The following INSL6 variants were observed in gnomAD, a reference collection of about 807,000 sequenced individuals.
INSL6 encodes the protein insulin-like peptide INSL6.
Under a neutral mutation model 9.4 loss-of-function variants are expected in INSL6, and 16 were observed. The observed-to-expected ratio is 1.70, with a 90% CI of 1.15 to 2.59. The LOEUF (loss-of-function observed/expected upper bound fraction) is 2.59, where lower values mean the gene tolerates loss of function less well. INSL6 is among the 30% of genes most tolerant of loss of function. The pLI, the probability that INSL6 is intolerant of heterozygous loss-of-function variation, is 0.00. For missense variants in INSL6, 391 were observed against 257.3 expected (o/e 1.52, Z -3.56); for synonymous variants, 154 against 96.9 (o/e 1.59, Z -3.46).
At chr9:5,098,259 G>A in the INSL6 span, 4 of 152,130 alleles carry the variant, frequency 2.6e-5, no homozygotes, top group Admixed American at 2.6e-4. Context: ...AAAAACCTCT[G>A]TGACTTTCTC....
At chr9:5,064,616 G>A in the INSL6 span, among the ~76,000 whole-genome samples, 1 of 152,144 alleles carries the variant, frequency 6.6e-6, no homozygotes, top group Non-Finnish European at 1.5e-5. Context: ...GAGATAACTG[G>A]TATATTAGTC....
At chr9:5,089,467 G>A in the INSL6 span, among the ~76,000 whole-genome samples, 2 of 150,392 alleles carry the variant, frequency 1.3e-5, no homozygotes, top group African/African-American at 4.9e-5. Context: ...GAACCCAGGG[G>A]GCGGAGCTTG....
chr9:5,080,578 T>C, the INSL6 span: 1 of 1,602,402 alleles, frequency 6.2e-7, no homozygotes, highest in Non-Finnish European at 8.5e-7. Context: ...TGCACCAAAG[T>C]GGGCAGAATT....
At chr9:5,134,624 G>A (rs985080773) in intron 2 of INSL6, among the ~76,000 whole-genome samples, 2 of 152,084 alleles carry the variant, frequency 1.3e-5, no homozygotes, top group African/African-American at 4.8e-5. Flanking sequence ...AATCCCTCAC[G>A]AAGAAGCAAA....
chr9:5,010,362 C>T, the INSL6 span, among the ~76,000 whole-genome samples: 6 of 140,490 alleles, frequency 4.3e-5, no homozygotes, highest in Non-Finnish European at 9.2e-5. Flanking sequence ...CTCGCTCTGT[C>T]GCCCAGGCTG....
At chr9:5,144,746 T>A (rs1239381958) in intron 2 of INSL6, among the ~76,000 whole-genome samples, 1 of 152,228 alleles carries the variant, frequency 6.6e-6, no homozygotes, top group South Asian at 2.1e-4. Context: ...TCTTTTTAAA[T>A]CTTTGTTGGT....
At chr9:5,069,715 G>T in the INSL6 span, among the ~76,000 whole-genome samples, 2 of 152,046 alleles carry the variant, frequency 1.3e-5, no homozygotes, top group Admixed American at 6.5e-5. Flanking sequence ...TTAAGGAAGT[G>T]ATTATAATTT....
At chr9:5,156,117 T>C (rs1290900493) in intron 2 of INSL6, among the ~76,000 whole-genome samples, 5 of 148,454 alleles carry the variant, frequency 3.4e-5, no homozygotes, top group Admixed American at 6.8e-5. Flanking sequence ...AGAACTTTCA[T>C]GCAATTGACA....
chr9:5,106,217 C>T, the INSL6 span, among the ~76,000 whole-genome samples: 1 of 152,058 alleles, frequency 6.6e-6, no homozygotes, highest in Non-Finnish European at 1.5e-5. Flanking sequence ...AAAAAACAAC[C>T]CCATCAAAAA....
the INSL6 span, among the ~76,000 whole-genome samples, chr9:5,021,619 C>CT: frequency 0.014 from 2,125 of 152,126 alleles, 64 homozygotes; most frequent in African/African-American, 0.049. Context: ...CCATTTGTAA[C>CT]TTTATTTATT....
At chr9:5,135,170 C>A (rs1014949393) in intron 2 of INSL6, among the ~76,000 whole-genome samples, 7 of 152,070 alleles carry the variant, frequency 4.6e-5, no homozygotes, top group Non-Finnish European at 1.0e-4. Flanking sequence ...TACAGGAGCA[C>A]CCAGATCCAT....
At chr9:5,026,970 T>C in the INSL6 span, among the ~76,000 whole-genome samples, 1 of 152,236 alleles carries the variant, frequency 6.6e-6, no homozygotes, top group Non-Finnish European at 1.5e-5. Flanking sequence ...CTTGACACAT[T>C]GTTCTTTTAA....
chr9:5,042,216 C>A, the INSL6 span, among the ~76,000 whole-genome samples: 3 of 150,010 alleles, frequency 2.0e-5, no homozygotes, highest in Non-Finnish European at 4.4e-5. Flanking sequence ...CGGCTCACTG[C>A]AAGCTCCGCC....
chr9:5,119,392 C>T (rs571333092), downstream of INSL6, among the ~76,000 whole-genome samples: 80 of 151,668 alleles, frequency 5.3e-4, no homozygotes, highest in African/African-American at 1.7e-3. Context: ...TATGCACTTT[C>T]ATGTATAATT....
chr9:5,010,482 G>A, the INSL6 span, among the ~76,000 whole-genome samples: 12 of 152,028 alleles, frequency 7.9e-5, no homozygotes, highest in Admixed American at 5.2e-4. Flanking sequence ...CACTATGCCC[G>A]GCTAATTTTT....
intron 1 of INSL6, among the ~76,000 whole-genome samples, chr9:5,184,625 G>A (rs1825528823): frequency 6.6e-6 from 1 of 152,148 alleles, no homozygotes; most frequent in East Asian, 1.9e-4. Context: ...TGAAACCTAT[G>A]TAGTCACACA....
At chr9:5,038,380 CA>C in the INSL6 span, among the ~76,000 whole-genome samples, 2 of 151,994 alleles carry the variant, frequency 1.3e-5, no homozygotes, top group Non-Finnish European at 2.9e-5. Context: ...TAGTTATTCA[CA>C]AAAAATAGAA....
the INSL6 span, chr9:5,073,892 T>C: frequency 9.9e-6 from 7 of 703,620 alleles, no homozygotes; most frequent in Non-Finnish European, 1.7e-5. Context: ...TAAACTATAA[T>C]TTAACAGGAG....
chr9:5,008,835 A>G, the INSL6 span, among the ~76,000 whole-genome samples: 1 of 152,130 alleles, frequency 6.6e-6, no homozygotes, highest in African/African-American at 2.4e-5. Flanking sequence ...TCCTCCATCT[A>G]GAGCTTCTCT....
Sources: allele counts gnomAD v4.1 joint callset (sites outside exome capture counted in the v4.1 genomes callset), GRCh38; gene constraint gnomAD v4.1.1; transcripts MANE v1.5; gene names NCBI Gene and HGNC (gene_info 2026-07-23, HGNC 2026-07-21).